The following ZNF362 variants were observed in gnomAD, a reference collection of about 807,000 sequenced individuals.
ZNF362 encodes rotund homolog.
A neutral mutation model predicts 42.9 loss-of-function variants in ZNF362; 11 were observed. The observed-to-expected ratio is 0.26, with a 90% CI of 0.16 to 0.42. ZNF362 has a LOEUF of 0.42. ZNF362 is among the 20% of genes least tolerant of loss of function. The pLI is 1.00. For missense variants in ZNF362, 362 were observed against 576.2 expected, an observed-to-expected ratio of 0.63 and a Z score of 3.81; for synonymous variants, 255 against 257.3, an observed-to-expected ratio of 0.99 and a Z score of 0.09.
chr1:33,129,893 T>C, the ZNF362 span, among the ~76,000 whole-genome samples: 1 of 152,120 alleles, frequency 6.6e-6, no homozygotes, highest in African/African-American at 2.4e-5. The surrounding 1 kb of genome is among the most constrained non-coding windows in gnomAD (Gnocchi z 4.1). Flanking sequence ...GAGTTTTGCT[T>C]TTGTTGGTCA....
chr1:33,213,306 T>G, the ZNF362 span, among the ~76,000 whole-genome samples: 1 of 152,184 alleles, frequency 6.6e-6, no homozygotes, highest in Non-Finnish European at 1.5e-5. Context: ...AAGTTCATTT[T>G]CTTAATCACG....
chr1:33,166,342 C>G, the ZNF362 span: 3 of 152,074 alleles, frequency 2.0e-5, no homozygotes, highest in African/African-American at 4.8e-5. Flanking sequence ...ACCCCCACCC[C>G]CTGCGGTTTG....
chr1:33,191,852 T>C, the ZNF362 span, among the ~76,000 whole-genome samples: 2 of 152,170 alleles, frequency 1.3e-5, no homozygotes, highest in African/African-American at 4.8e-5. Flanking sequence ...AGTGATGAGA[T>C]TTAACCCTAG....
At chr1:33,130,111 G>T in the ZNF362 span, among the ~76,000 whole-genome samples, 1 of 152,118 alleles carries the variant, frequency 6.6e-6, no homozygotes, top group Non-Finnish European at 1.5e-5. Context: ...CACCTGCCTT[G>T]GCCTCCCAAA....
At chr1:33,176,502 G>T in the ZNF362 span, 92 of 673,914 alleles carry the variant, frequency 1.4e-4, no homozygotes, top group African/African-American at 1.5e-3. Flanking sequence ...CCTGGAGGGG[G>T]CGGCTGAGAC....
chr1:33,275,478 A>C, intron 2 of ZNF362: 1 of 762,454 alleles, frequency 1.3e-6, no homozygotes, highest in Non-Finnish European at 1.6e-6. Flanking sequence ...GAACAACCAC[A>C]CGTGGCCTGT....
the ZNF362 span, among the ~76,000 whole-genome samples, chr1:33,233,873 C>T: frequency 9.9e-5 from 15 of 152,138 alleles, no homozygotes; most frequent in African/African-American, 3.6e-4. Flanking sequence ...ACTGGGATGC[C>T]TCCTCTCAAC....
the ZNF362 span, among the ~76,000 whole-genome samples, chr1:33,213,495 T>C: frequency 1.3e-5 from 2 of 152,124 alleles, no homozygotes; most frequent in Non-Finnish European, 2.9e-5. Context: ...TTGGTGAATT[T>C]AAATAAGTAT....
the ZNF362 span, among the ~76,000 whole-genome samples, chr1:33,232,248 A>G: frequency 2.5e-3 from 382 of 152,202 alleles, 2 homozygotes; most frequent in African/African-American, 8.6e-3. Context: ...TTCTTCCTTT[A>G]AAGATGCGTA....
chr1:33,224,304 A>G, the ZNF362 span, among the ~76,000 whole-genome samples: 2 of 152,238 alleles, frequency 1.3e-5, no homozygotes, highest in African/African-American at 4.8e-5. Flanking sequence ...TTGAAATAAA[A>G]AACTCAATAG....
At chr1:33,159,097 G>A in the ZNF362 span, among the ~76,000 whole-genome samples, 3,506 of 151,676 alleles carry the variant, frequency 0.023, 111 homozygotes, top group African/African-American at 0.08. This position sits in a 1 kb window ranked among gnomAD's most constrained non-coding sequence, Gnocchi z 4.2. Flanking sequence ...CACCTGCCTC[G>A]GCCTCCCAAA....
the ZNF362 span, chr1:33,142,636 C>G: frequency 6.6e-6 from 1 of 152,246 alleles, no homozygotes; most frequent in East Asian, 1.9e-4. Context: ...GCTTGGCTCA[C>G]AATTGAGACT....
chr1:33,147,125 G>A, the ZNF362 span: 2 of 1,579,512 alleles, frequency 1.3e-6, no homozygotes, highest in Middle Eastern at 1.7e-4. This position sits in a 1 kb window ranked among gnomAD's most constrained non-coding sequence, Gnocchi z 8.1. Context: ...CCTGGGCAGG[G>A]CTCTTGCAGG....
At chr1:33,147,264 G>T in the ZNF362 span, 7 of 1,614,158 alleles carry the variant, frequency 4.3e-6, no homozygotes, top group Non-Finnish European at 5.9e-6. This position sits in a 1 kb window ranked among gnomAD's most constrained non-coding sequence, Gnocchi z 8.1. Flanking sequence ...AGCAGAGCTT[G>T]CCAGGGAACT....
the ZNF362 span, among the ~76,000 whole-genome samples, chr1:33,209,540 C>A: frequency 6.6e-6 from 1 of 152,098 alleles, no homozygotes; most frequent in Non-Finnish European, 1.5e-5. Flanking sequence ...TCGGCTGTGA[C>A]TCCGTCTGGT....
the ZNF362 span, chr1:33,164,208 T>C: frequency 3.9e-5 from 6 of 152,264 alleles, no homozygotes; most frequent in Non-Finnish European, 5.9e-5. Flanking sequence ...CTGTGAAGAA[T>C]TGTTTGTCAT....
At chr1:33,217,728 G>C in the ZNF362 span, among the ~76,000 whole-genome samples, 2 of 152,034 alleles carry the variant, frequency 1.3e-5, no homozygotes, top group Non-Finnish European at 2.9e-5. Context: ...ATTATACAAA[G>C]GTAGCCACCA....
the ZNF362 span, among the ~76,000 whole-genome samples, chr1:33,236,550 A>AAATATATAT: frequency 1.7e-3 from 10 of 5,982 alleles, no homozygotes; most frequent in East Asian, 8.5e-3. Flanking sequence ...AAAAAAAAAA[A>AAATATATAT]ATATATATAT....
the ZNF362 span, among the ~76,000 whole-genome samples, chr1:33,154,258 C>T: frequency 1.3e-5 from 2 of 150,928 alleles, no homozygotes; most frequent in Non-Finnish European, 3.0e-5. Flanking sequence ...AAAGTGCATC[C>T]AAGGCTCCGA....
Sources: gnomAD v4.1 joint callset for allele counts (sites outside exome capture counted in the v4.1 genomes callset) on GRCh38, gnomAD v4.1.1 for gene constraint, Gnocchi (gnomAD v3.1) non-coding constraint, MANE v1.5 for transcripts, NCBI Gene and HGNC (gene_info 2026-07-23, HGNC 2026-07-21) for gene names.